Variants in ANPEP observed in about 807,000 individuals in gnomAD.
ANPEP encodes the protein aminopeptidase N.
In ANPEP, 70 loss-of-function variants were observed where a neutral mutation model predicts 114.6. The ratio of observed to expected loss-of-function variants is 0.61; its 90% confidence interval spans 0.50 to 0.75. ANPEP has a LOEUF of 0.75. Ranked by LOEUF, ANPEP falls within the 30% of genes least tolerant of loss-of-function variation. The pLI, the probability that ANPEP is intolerant of heterozygous loss-of-function variation, is 0.00. For synonymous variants in ANPEP, 548 were observed against 522.3 expected (o/e 1.05, Z -0.67); for missense variants, 1,184 against 1,259.5 (o/e 0.94, Z 0.91).
At chr15:89,787,631 A>G (rs1384394516) in intron 20 of ANPEP, among the ~76,000 whole-genome samples, 8 of 152,230 alleles carry the variant, frequency 5.3e-5, no homozygotes, top group Admixed American at 5.2e-4. Flanking sequence ...AATATTCAGA[A>G]TATATAAAGA....
chr15:89,804,594 A>T lies in ANPEP; in HGVS notation c.921T>A (p.Ser307Arg). The T allele has an allele frequency of 6.2e-7, 1 of 1,614,000 alleles. No individual in the cohort carries two copies. Among genetic ancestry groups the T allele is most frequent in the East Asian group, 2.2e-5 (1 of 44,876 alleles). The change falls in exon 5 of 21, where the codon AGT (serine) becomes AGA (arginine). Residue 307 changes from serine (S) to arginine (R), a missense_variant. Coordinates refer to ENST00000300060, the MANE Select transcript of ANPEP (RefSeq NM_001150.3). ...AATCGCCGTGGCCCGCCGCAATGGC[A>T]CTGGGCCGGGCCCAGATCCGGATCT... ...GVLIRIWARP[S>R]AIAAGHGDYA...
chr15:89,789,272 G>A (rs115969254), intron 20 of ANPEP, among the ~76,000 whole-genome samples: 10,598 of 151,840 alleles, frequency 0.07, 1,229 homozygotes, highest in African/African-American at 0.24. Flanking sequence ...GAGCCACCAC[G>A]CCCAGCAAAT....
chr15:89,799,450 C>T lies in ANPEP; in HGVS notation c.1929G>A (p.Gln643=). 6.2e-7 allele frequency: 1 copy of T among 1,614,178 alleles called. No individual in the cohort carries two copies. The highest frequency in any genetic ancestry group is 8.5e-7 in the Non-Finnish European group (1 of 1,180,038). The change falls in exon 13 of 21, where the codon CAG becomes CAA. Residue 643 remains glutamine, a synonymous_variant. Transcript: ENST00000300060. The surrounding 1 kb of genome is among the most constrained non-coding windows in gnomAD (Gnocchi z 4.2). ...CCGAGTGGTCTCTCTGCAGCTGAGT[C>T]TGAATCTTCCTCCAGTTCTCTTCGT... ...NYDEENWRKI[Q]TQLQRDHSAI...
At chr15:89,793,965 T>C (rs1374081224) in intron 15 of ANPEP, among the ~76,000 whole-genome samples, 1 of 152,138 alleles carries the variant, frequency 6.6e-6, no homozygotes, top group South Asian at 2.1e-4. Context: ...ACATGGCAGG[T>C]TGATTTCTGT....
intron 2 of ANPEP, 113 bp downstream of exon 2, chr15:89,805,857 C>T (rs1199500540): frequency 4.9e-6 from 7 of 1,415,898 alleles, no homozygotes; most frequent in Admixed American, 4.5e-5. Context: ...GGGCCAGTCT[C>T]GGGCTCCACA....
chr15:89,790,492 G>A lies in ANPEP; in HGVS notation c.2719C>T (p.Arg907Ter), dbSNP rs1237508248. ...AGCTCATACTCGGTGGAGAATCGTC[G>A]TGTCACTGCCTGGATGAGGTTGGAG... Reference protein sequence around the residue: ...SFSNLIQAVTRRFSTEYELQQ... With the variant: ...SFSNLIQAVT The change falls in exon 20 of 21, where the codon CGA becomes TGA. Residue 907 changes from arginine to a stop codon, truncating the protein, a stop_gained. Coordinates refer to ENST00000300060, the MANE Select transcript of ANPEP (RefSeq NM_001150.3). LOFTEE classifies it high-confidence loss of function. The A allele has an allele frequency of 6.8e-6, 11 of 1,614,034 alleles. No individual in the cohort carries two copies. The highest frequency in any genetic ancestry group is 1.1e-5 in the South Asian group (1 of 91,074).
At chr15:89,798,983 A>T (rs534029869) in intron 14 of ANPEP, among the ~76,000 whole-genome samples, 2 of 152,146 alleles carry the variant, frequency 1.3e-5, no homozygotes, top group African/African-American at 4.8e-5. Context: ...CAAAAACAAA[A>T]AGCTTGGTGC....
At chr15:89,808,935 T>A (rs1024956591) in intron 1 of ANPEP, among the ~76,000 whole-genome samples, 2 of 151,876 alleles carry the variant, frequency 1.3e-5, no homozygotes, top group African/African-American at 2.4e-5. Context: ...TTTAGGGGAG[T>A]CCTGGGTGCC....
chr15:89,805,040 C>A, intron 4 of ANPEP, 38 bp downstream of exon 4: 1 of 1,612,788 alleles, frequency 6.2e-7, no homozygotes. Flanking sequence ...CAAGCCGGGG[C>A]CAGCCCACGT....
intron 15 of ANPEP, among the ~76,000 whole-genome samples, chr15:89,793,471 C>T (rs529759228): frequency 2.6e-5 from 4 of 152,150 alleles, no homozygotes; most frequent in African/African-American, 4.8e-5. Flanking sequence ...GAGGCTGAGG[C>T]GGGTGGATCC....
intron 15 of ANPEP, among the ~76,000 whole-genome samples, chr15:89,795,727 T>C (rs990537823): frequency 3.3e-5 from 5 of 152,182 alleles, no homozygotes; most frequent in African/African-American, 1.2e-4. Flanking sequence ...TTTCAGATGA[T>C]CTACCCCAGA....
rs965033899 is a variant in ANPEP at position 89,803,260 on chromosome 15, G to T, written c.1548C>A (p.Asn516Lys). ...TGACCTCCTGCAGGTGGTCCCACAG[G>T]TTCAGGTAGATGGTGTTCTGGTAGG... ...TFAYQNTIYL[N>K]LWDHLQEAVN... Residue 516 changes from asparagine (N) to lysine (K), a missense_variant, in exon 10 of 21, where the codon AAC becomes AAA. Physicochemically the swap from Asn to Lys is moderately conservative, Grantham distance 94. Coordinates refer to ENST00000300060, the MANE Select transcript of ANPEP (RefSeq NM_001150.3). The surrounding 1 kb of genome is among the most constrained non-coding windows in gnomAD (Gnocchi z 4.2). 10 of 1,614,134 alleles carry T rather than the reference G, an allele frequency of 6.2e-6. No homozygotes were observed. The highest frequency in any genetic ancestry group is 3.3e-5 in the Admixed American group (2 of 60,012).
intron 15 of ANPEP, among the ~76,000 whole-genome samples, chr15:89,794,225 T>C (rs929231197): frequency 5.9e-5 from 9 of 152,188 alleles, no homozygotes; most frequent in Non-Finnish European, 1.3e-4. Flanking sequence ...GGCACATGCC[T>C]GTAATCCCAG....
At chr15:89,805,803 G>A (rs556731910) in intron 2 of ANPEP, among the ~76,000 whole-genome samples, 167 bp downstream of exon 2, 4 of 152,116 alleles carry the variant, frequency 2.6e-5, no homozygotes, top group African/African-American at 7.2e-5. Flanking sequence ...CTCCCAGTTC[G>A]GTGCATTTGC....
chr15:89,803,439 C>G lies in ANPEP; in HGVS notation c.1503+3G>C. 1.2e-6 allele frequency: 2 copies of G among 1,606,320 alleles called. No individual in the cohort carries two copies. Among genetic ancestry groups the G allele is most frequent in the Non-Finnish European group, 1.7e-6 (2 of 1,176,368 alleles). On this transcript the variant is annotated splice_donor_region_variant and intron_variant, in intron 9 of 20. Transcript: ENST00000300060. This position sits in a 1 kb window ranked among gnomAD's most constrained non-coding sequence, Gnocchi z 4.2. ...CATGGCTGGCCCAGGGTGCAGTACT[C>G]ACCGCCAGGCCCTGCTTGAATACGT...
Position 89,797,731 on chromosome 15 carries a change from A to G in ANPEP, c.2010-9T>C. 2 of 1,613,934 alleles carry G rather than the reference A, an allele frequency of 1.2e-6. No homozygotes were observed. Among genetic ancestry groups the G allele is most frequent in the Non-Finnish European group, 1.7e-6 (2 of 1,179,966 alleles). On this transcript the variant is annotated splice_polypyrimidine_tract_variant and intron_variant, in intron 14 of 20. Transcript: ENST00000300060. The stretch of plus-strand genomic sequence containing the variant: ...CAGGGACCTTATGGGCACTGGGAAT[A>G]AACAGAGGGGCCCAAGTAAAGCACC...
chr15:89,790,813 T>C (rs983143951), intron 19 of ANPEP, 140 bp downstream of exon 19: 1 of 1,132,888 alleles, frequency 8.8e-7, no homozygotes. Context: ...TTTCCATTCC[T>C]GCCCCACCCT....
At position 89,813,992 on chromosome 15, in the gene ANPEP, G is replaced by GGC. The variant is rs1555442933; in HGVS notation, c.-224+779_-224+780insGC. On this transcript the variant is annotated intron_variant, in intron 1 of 20. Coordinates refer to ENST00000300060, the MANE Select transcript of ANPEP (RefSeq NM_001150.3). ...GGCCGTCCCTGCCCACCGCACTGCT[G>GGC]GGGGGGGGGGGTGCGTTCTGGAGTC... Among the ~76,000 whole-genome samples the GGC allele has an allele frequency of 4.8e-5, 4 of 83,010 alleles. 1 individual carries two copies. Among genetic ancestry groups the GGC allele is most frequent in the African/African-American group, 4.8e-4 (4 of 8,386 alleles). 54.5% of individuals were successfully genotyped at this position (83,010 alleles called of 152,430 possible).
chr15:89,797,778 C>A, intron 14 of ANPEP, 56 bp from the exon 15 acceptor site: 4 of 1,609,322 alleles, frequency 2.5e-6, no homozygotes, highest in Non-Finnish European at 3.4e-6. Context: ...CAGCCACAGC[C>A]TGGGAACCCC....
Sources: gnomAD v4.1 joint callset for allele counts (sites outside exome capture counted in the v4.1 genomes callset) on GRCh38, gnomAD v4.1.1 for gene constraint, Gnocchi (gnomAD v3.1) non-coding constraint, MANE v1.5 for transcripts, NCBI Gene and HGNC (gene_info 2026-07-23, HGNC 2026-07-21) for gene names.